Variants in TAF2 observed in about 807,000 individuals in gnomAD.
TAF2 encodes the protein transcription initiation factor TFIID subunit 2.
Under a neutral mutation model 138.5 loss-of-function variants are expected in TAF2, and 61 were observed. The ratio of observed to expected loss-of-function variants is 0.44; its 90% CI spans 0.36 to 0.54. The LOEUF (loss-of-function observed/expected upper bound fraction) is 0.54, where lower values mean the gene tolerates loss of function less well. Ranked by LOEUF, TAF2 falls within the 20% of genes least tolerant of loss-of-function variation. The pLI is 0.00. For missense variants in TAF2, 1,090 were observed against 1,427.9 expected (o/e 0.76, Z 3.81); for synonymous variants, 475 against 469.9 (o/e 1.01, Z -0.14).
At chr8:119,771,845 C>T (rs1185319014) in intron 18 of TAF2, among the ~76,000 whole-genome samples, 1 of 152,120 alleles carries the variant, frequency 6.6e-6, no homozygotes, top group African/African-American at 2.4e-5. Context: ...ATGGACCTAA[C>T]AGACATTTAC....
intron 23 of TAF2, 39 bp downstream of exon 23, chr8:119,746,666 T>A: frequency 1.3e-6 from 2 of 1,591,154 alleles, no homozygotes; most frequent in Non-Finnish European, 1.7e-6. Flanking sequence ...ATCCTCTATA[T>A]AATGAAACTA....
intron 6 of TAF2, among the ~76,000 whole-genome samples, chr8:119,798,135 G>T (rs944817800): frequency 6.6e-6 from 1 of 151,678 alleles, no homozygotes; most frequent in African/African-American, 2.4e-5. Flanking sequence ...TTTCTCATAG[G>T]TACACATAAT....
intron 25 of TAF2, among the ~76,000 whole-genome samples, chr8:119,736,758 A>T (rs563472271): frequency 4.3e-4 from 65 of 152,308 alleles, no homozygotes; most frequent in Non-Finnish European, 7.5e-4. Flanking sequence ...GTTAACCTCA[A>T]AAAGAGTCGA....
chr8:119,828,648 C>T (rs1259926042), intron 2 of TAF2, among the ~76,000 whole-genome samples: 4 of 152,186 alleles, frequency 2.6e-5, no homozygotes, highest in Non-Finnish European at 1.5e-5. Context: ...GTATCAACTT[C>T]GGCCATACTA....
rs191646101 is a variant in TAF2 at position 119,816,400 on chromosome 8, C to T, written c.299+2946G>A. ...ATCAAAAATAGGGAGGGCATGGCAC[C>T]TTAACTTTAAAACAAATAATAAGAA... is the stretch of plus-strand genomic sequence containing the variant. On this transcript the variant is annotated intron_variant, in intron 3 of 25. Coordinates refer to ENST00000378164, the MANE Select transcript of TAF2 (RefSeq NM_003184.4). 9.9e-4 allele frequency among the ~76,000 whole-genome samples: 150 copies of T among 152,170 alleles called. 1 individual carries two copies. Among genetic ancestry groups the T allele is most frequent in the African/African-American group, 3.5e-3 (144 of 41,550 alleles).
intron 16 of TAF2, among the ~76,000 whole-genome samples, chr8:119,782,408 A>C (rs1822730576): frequency 6.6e-6 from 1 of 152,250 alleles, no homozygotes; most frequent in South Asian, 2.1e-4. Context: ...ATCTTTATAG[A>C]AACATTGAAA....
intron 2 of TAF2, among the ~76,000 whole-genome samples, chr8:119,826,613 G>A (rs1290294230): frequency 4.0e-5 from 6 of 149,228 alleles, no homozygotes; most frequent in Non-Finnish European, 5.9e-5. Flanking sequence ...TTTTTGAGAT[G>A]GGGTTTCACT....
In TAF2 at chr8:119,832,686, G is replaced by C. The variant is rs1041324199; in HGVS notation, c.-122C>G. On this transcript the variant is annotated 5_prime_UTR_variant, in exon 1 of 26. Transcript: ENST00000378164. ...CCAAGTCACGTCTCGCAGCTGGCCG[G>C]TGCCCAGGTGAGCGACCTGACGGGT... 1.1e-6 allele frequency: 1 copy of C among 901,076 alleles called. No homozygotes were observed. The highest frequency in any genetic ancestry group is 1.7e-5 in the African/African-American group (1 of 59,918). The allele number at this position is 901,076 out of a possible 1,614,324, so 55.8% of individuals were successfully genotyped here. A position where few individuals can be genotyped will look rare whatever the true frequency, so the allele number is the denominator to read the frequency against.
intron 18 of TAF2, among the ~76,000 whole-genome samples, chr8:119,763,236 C>T (rs1821186803): frequency 6.6e-6 from 1 of 152,150 alleles, no homozygotes; most frequent in South Asian, 2.1e-4. Context: ...AAAAGCAAGG[C>T]ACATACAAAC....
intron 12 of TAF2, 110 bp downstream of exon 12, chr8:119,789,482 A>G (rs994696837): frequency 1.6e-5 from 21 of 1,287,530 alleles, no homozygotes; most frequent in Middle Eastern, 3.7e-4. Context: ...AGAAATATAA[A>G]CAGTTCATAC....
chr8:119,747,353 A>C (rs1487457953), intron 22 of TAF2, among the ~76,000 whole-genome samples: 1 of 152,222 alleles, frequency 6.6e-6, no homozygotes, highest in Non-Finnish European at 1.5e-5. Context: ...AAAGGAGGAA[A>C]ATATTTTGCT....
chr8:119,744,735 G>A (rs943619905), intron 23 of TAF2: 9 of 375,862 alleles, frequency 2.4e-5, no homozygotes, highest in South Asian at 6.5e-5. Flanking sequence ...TACTTGGTTC[G>A]AATGTCTCAG....
chr8:119,791,523 C>T, intron 10 of TAF2, 64 bp from the exon 11 acceptor site: 1 of 1,545,690 alleles, frequency 6.5e-7, no homozygotes, highest in Admixed American at 1.9e-5. Context: ...AAATAAATTT[C>T]ATGACCACAT....
In TAF2 at chr8:119,756,047, T is replaced by C. The variant is rs960668466; in HGVS notation, c.2837A>G (p.Asn946Ser). ...CCAAAGTTGATCTACCAGGGCTTCA[T>C]TGCATAAGGGAGACTCCATGTTCTT... Reference protein sequence around the residue: ...FTKNMESPLCNEALVDQLWKL... With the variant: ...FTKNMESPLCSEALVDQLWKL... The change falls in exon 22 of 26, where the codon AAT (asparagine) becomes AGT (serine). Residue 946 changes from asparagine to serine, a missense_variant. Coordinates refer to ENST00000378164, the MANE Select transcript of TAF2 (RefSeq NM_003184.4). 3.7e-6 allele frequency: 6 copies of C among 1,613,772 alleles called. No homozygotes were observed. The highest frequency in any genetic ancestry group is 1.7e-5 in the Admixed American group (1 of 60,018).
intron 2 of TAF2, among the ~76,000 whole-genome samples, chr8:119,820,899 G>A (rs1400918064): frequency 6.6e-6 from 1 of 152,214 alleles, no homozygotes; most frequent in African/African-American, 2.4e-5. Flanking sequence ...ATGAGCTGCT[G>A]TAGGAAGGAA....
At chr8:119,807,628 TA>T (rs1260817221) in intron 3 of TAF2, among the ~76,000 whole-genome samples, 2 of 152,158 alleles carry the variant, frequency 1.3e-5, no homozygotes, top group Admixed American at 1.3e-4. Context: ...TTCATCTAGT[TA>T]AAAGACAAGT....
At chr8:119,795,691 A>C in intron 8 of TAF2, 60 bp from the exon 9 acceptor site, 12 of 1,408,292 alleles carry the variant, frequency 8.5e-6, no homozygotes, top group Non-Finnish European at 1.2e-5. Flanking sequence ...AGATAATGTC[A>C]AAGAGGATAA....
At chr8:119,831,753 G>A (rs1476942170) in intron 1 of TAF2, 22 bp from the exon 2 acceptor site, 2 of 1,435,424 alleles carry the variant, frequency 1.4e-6, no homozygotes, top group Non-Finnish European at 1.9e-6. Context: ...AATATAAAAA[G>A]AAAATAAGGA....
chr8:119,782,852 A>G (rs1303744264), intron 16 of TAF2, among the ~76,000 whole-genome samples: 1 of 152,216 alleles, frequency 6.6e-6, no homozygotes, highest in Non-Finnish European at 1.5e-5. Flanking sequence ...TAATCAATCA[A>G]TCAAGCACAG....
Sources: gnomAD v4.1 joint callset for allele counts (sites outside exome capture counted in the v4.1 genomes callset) on GRCh38, gnomAD v4.1.1 for gene constraint, MANE v1.5 for transcripts, NCBI Gene and HGNC (gene_info 2026-07-23, HGNC 2026-07-21) for gene names.